CLASRP: variants seen among roughly 807,000 people sequenced by gnomAD.
CLASRP encodes the protein CLK4 associating serine/arginine rich protein, also known as CLK4-associating serine/arginine rich protein.
Under a neutral mutation model 99.9 loss-of-function variants are expected in CLASRP, and 52 were observed. The observed-to-expected ratio is 0.52, with a 90% confidence interval of 0.42 to 0.66. The LOEUF (loss-of-function observed/expected upper bound fraction) is 0.66, where lower values mean the gene tolerates loss of function less well. Among genes scored for constraint, CLASRP ranks in the 30% least tolerant of loss-of-function variants. The probability of loss-of-function intolerance (pLI) is 0.00; values close to 1 mark genes in which losing one functional copy is unlikely to be tolerated. For missense variants in CLASRP, 848 were observed against 999.2 expected, an observed-to-expected ratio of 0.85 and a Z score of 2.04; for synonymous variants, 379 against 373.0, an observed-to-expected ratio of 1.02 and a Z score of -0.18.
intron 2 of CLASRP, among the ~76,000 whole-genome samples, chr19:45,049,798 A>T (rs1330992136): frequency 6.6e-6 from 1 of 152,214 alleles, no homozygotes; most frequent in Non-Finnish European, 1.5e-5. Context: ...AGCAGCCAAA[A>T]CAGAGCCCTG....
At chr19:45,046,558 T>A (rs892375216) in intron 2 of CLASRP, among the ~76,000 whole-genome samples, 3 of 152,188 alleles carry the variant, frequency 2.0e-5, no homozygotes, top group Non-Finnish European at 2.9e-5. Flanking sequence ...TGGGGACAAG[T>A]CTGTGTCCCA....
chr19:45,048,878 C>T (rs1251162654), intron 2 of CLASRP, among the ~76,000 whole-genome samples: 3 of 151,830 alleles, frequency 2.0e-5, no homozygotes, highest in Non-Finnish European at 4.4e-5. Flanking sequence ...CCCAGCTACT[C>T]GGGAAGCTGA....
chr19:45,044,695 G>A (rs1971882820), intron 2 of CLASRP, among the ~76,000 whole-genome samples: 1 of 152,196 alleles, frequency 6.6e-6, no homozygotes, highest in Admixed American at 6.5e-5. Context: ...CTGGGAGGGT[G>A]GGGCTACAGT....
At chr19:45,054,516 TG>T (rs1568415418) in intron 5 of CLASRP, among the ~76,000 whole-genome samples, 1 of 152,254 alleles carries the variant, frequency 6.6e-6, no homozygotes. Context: ...CCCAAAGTGC[TG>T]GGATTACAGG....
chr19:45,053,243 G>A (rs975017401), intron 5 of CLASRP, 66 bp downstream of exon 5: 1 of 1,539,102 alleles, frequency 6.5e-7, no homozygotes, highest in Admixed American at 1.7e-5. Flanking sequence ...ACCTAGATAG[G>A]TTTGGGAAGA....
At chr19:45,058,916 C>T (rs942188241) in intron 7 of CLASRP, among the ~76,000 whole-genome samples, 4 of 152,084 alleles carry the variant, frequency 2.6e-5, no homozygotes, top group Admixed American at 1.3e-4. Context: ...ATCCACCCAT[C>T]CCTCCTTCCT....
chr19:45,066,416 C>A (rs1462989808), intron 13 of CLASRP, among the ~76,000 whole-genome samples: 1 of 151,994 alleles, frequency 6.6e-6, no homozygotes, highest in Non-Finnish European at 1.5e-5. Context: ...CCGCGCCTGG[C>A]CCTTGTTTTC....
At position 45,064,328 on chromosome 19, in the gene CLASRP, G is replaced by T; in HGVS notation, c.1122-15G>T. On this transcript the variant is annotated splice_polypyrimidine_tract_variant and intron_variant, in intron 12 of 20. Transcript: ENST00000221455. ...TCAGGCCTGCGCTGACCGGCCCTCC[G>T]TGCCCCGCCTGCAGCCGCCGCTCCT... 1 of 1,519,578 alleles carries T rather than the reference G, an allele frequency of 6.6e-7. No individual in the cohort carries two copies. Among genetic ancestry groups the T allele is most frequent in the South Asian group, 1.2e-5 (1 of 80,462 alleles). The allele number at this position is 1,519,578 out of a possible 1,614,324, so 94.1% of individuals were successfully genotyped here.
At position 45,063,246 on chromosome 19, in the gene CLASRP, G is replaced by T. The variant is rs116784339; in HGVS notation, c.906-766G>T. Among the ~76,000 whole-genome samples, 1,164 of 151,052 alleles carry T rather than the reference G, an allele frequency of 7.7e-3. 13 individuals are homozygous for T. The highest frequency in any genetic ancestry group is 0.026 in the African/African-American group (1,082 of 41,156). On this transcript the variant is annotated intron_variant, in intron 11 of 20. Transcript: ENST00000221455. ...GGTTTTGAAGTTCTGGCCTCAAGCA[G>T]TCCTCCCACCTGGGCCTTCCAAAGT...
At position 45,067,563 on chromosome 19, in the gene CLASRP, G is replaced by T. The variant is rs202001895; in HGVS notation, c.1636G>T (p.Ala546Ser). 2 of 1,604,176 alleles carry T rather than the reference G, an allele frequency of 1.2e-6. No individual in the cohort carries two copies. Among genetic ancestry groups the T allele is most frequent in the South Asian group, 1.1e-5 (1 of 90,746 alleles). ...AAGAGAGAAGCTGACCAGGCCGGCC[G>T]CGTCCCCTGCTGTGGGCGAGAAGCT... ...PAREKLTRPA[A>S]SPAVGEKLKK... The change falls in exon 14 of 21, where the codon GCG (alanine) becomes TCG (serine). Residue 546 changes from alanine to serine, a missense_variant. Transcript: ENST00000221455. This position sits in a 1 kb window ranked among gnomAD's most constrained non-coding sequence, Gnocchi z 4.9.
chr19:45,069,308 C>T (rs574682438), intron 18 of CLASRP, 60 bp downstream of exon 18: 2 of 1,554,250 alleles, frequency 1.3e-6, no homozygotes, highest in East Asian at 2.2e-5. Context: ...GGCCTTCCCA[C>T]CATGGGCTGC....
intron 2 of CLASRP, among the ~76,000 whole-genome samples, chr19:45,049,904 G>C (rs932488282): frequency 9.2e-5 from 14 of 152,146 alleles, no homozygotes; most frequent in Non-Finnish European, 1.9e-4. Flanking sequence ...AAAACAAGTG[G>C]AGTTAAGTGA....
chr19:45,067,046 C>G lies in CLASRP; in HGVS notation c.1410-291C>G, dbSNP rs965504443. Among the ~76,000 whole-genome samples the G allele has an allele frequency of 6.6e-6, 1 of 152,168 alleles. No homozygotes were observed. Among genetic ancestry groups the G allele is most frequent in the African/African-American group, 2.4e-5 (1 of 41,440 alleles). ...GCCATCCCTCCCAGAGCTCACCTCC[C>G]GGGAAGTTAGCAAGCGGGTGTCTAG... is the stretch of plus-strand genomic sequence containing the variant. On this transcript the variant is annotated intron_variant, in intron 13 of 20. Transcript: ENST00000221455. The surrounding 1 kb of genome is among the most constrained non-coding windows in gnomAD (Gnocchi z 4.9).
chr19:45,058,213 C>G, intron 7 of CLASRP: 1 of 362,022 alleles, frequency 2.8e-6, no homozygotes, highest in Non-Finnish European at 5.2e-6. Flanking sequence ...CTCTTCCCTC[C>G]TCTGGAAAAC....
Position 45,052,870 on chromosome 19 carries a change from AC to A in CLASRP, c.284del (p.Pro95LeufsTer81). The A allele has an allele frequency of 4.4e-6, 7 of 1,607,716 alleles. No homozygotes were observed. Among genetic ancestry groups the A allele is most frequent in the South Asian group, 3.3e-5 (3 of 90,502 alleles). On this transcript the variant is annotated frameshift_variant, in exon 4 of 21. Coordinates refer to ENST00000221455, the MANE Select transcript of CLASRP (RefSeq NM_007056.3). LOFTEE classifies it high-confidence loss of function. ...CCACCTGGACCACATCCCCGACTAC[AC>A]CCCCCCTCTGCTCACCACCATGTAA... is the stretch of plus-strand genomic sequence containing the variant. ...RAHLDHIPDY[T>X]PPLLTTISPE...
chr19:45,043,936 C>T (rs1444448706), intron 2 of CLASRP, among the ~76,000 whole-genome samples: 1 of 152,010 alleles, frequency 6.6e-6, no homozygotes. Flanking sequence ...GGCTGGAGTG[C>T]AGTGGCACGA....
In CLASRP at chr19:45,064,243, G is replaced by A. The variant is rs773327535; in HGVS notation, c.1121+16G>A. ...CCAGCGCCCGGTCGGTAACGCTCAC[G>A]CCGCCCGCCCTACGCCCCGGTCACC... On this transcript the variant is annotated intron_variant, in intron 12 of 20. Coordinates refer to ENST00000221455, the MANE Select transcript of CLASRP (RefSeq NM_007056.3). 46 of 1,569,060 alleles carry A rather than the reference G, an allele frequency of 2.9e-5. No individual in the cohort carries two copies. The highest frequency in any genetic ancestry group is 4.0e-5 in the Non-Finnish European group (46 of 1,159,814).
chr19:45,057,388 G>A (rs559552686), intron 6 of CLASRP, among the ~76,000 whole-genome samples: 2 of 152,328 alleles, frequency 1.3e-5, no homozygotes, highest in South Asian at 4.1e-4. Flanking sequence ...GCTCTGTTCA[G>A]GGCAAAGCTG....
intron 7 of CLASRP, 167 bp downstream of exon 7, chr19:45,058,065 T>C: frequency 1.3e-6 from 1 of 775,368 alleles, no homozygotes; most frequent in Non-Finnish European, 2.1e-6. Flanking sequence ...CCTGTCCTCC[T>C]CCGTTCCGGC....
Sources: allele counts gnomAD v4.1 joint callset (sites outside exome capture counted in the v4.1 genomes callset), GRCh38; gene constraint gnomAD v4.1.1; non-coding constraint Gnocchi (gnomAD v3.1); transcripts MANE v1.5; gene names NCBI Gene and HGNC (gene_info 2026-07-23, HGNC 2026-07-21).